GSR: variants seen among roughly 807,000 people sequenced by gnomAD.
The protein encoded by GSR is glutathione reductase, mitochondrial.
A neutral mutation model predicts 56.5 loss-of-function variants in GSR; 48 were observed. The ratio of observed to expected loss-of-function variants is 0.85; its 90% CI spans 0.67 to 1.08. GSR has a LOEUF of 1.08. Among genes scored for constraint, GSR ranks in the 50% least tolerant of loss-of-function variants. The pLI, the probability that GSR is intolerant of heterozygous loss-of-function variation, is 0.00. For missense variants in GSR, 694 were observed against 703.3 expected (o/e 0.99, Z 0.15); for synonymous variants, 264 against 270.8 (o/e 0.97, Z 0.25).
At chr8:30,708,246 C>G (rs1803983185) in intron 3 of GSR, 105 bp from the exon 4 acceptor site, 2 of 817,010 alleles carry the variant, frequency 2.4e-6, no homozygotes, top group Admixed American at 3.4e-5. Flanking sequence ...CACTGACTGT[C>G]AACAGCAACC....
chr8:30,716,457 C>G (rs1804336445), intron 1 of GSR, among the ~76,000 whole-genome samples: 1 of 152,190 alleles, frequency 6.6e-6, no homozygotes, highest in South Asian at 2.1e-4. Flanking sequence ...TTTTAGAGGC[C>G]TATTTACATG....
At chr8:30,701,541 G>A (rs1258380485) in intron 5 of GSR, among the ~76,000 whole-genome samples, 1 of 151,856 alleles carries the variant, frequency 6.6e-6, no homozygotes, top group Non-Finnish European at 1.5e-5. Flanking sequence ...TGTAATCCCA[G>A]CACTTTGGGA....
chr8:30,686,037 G>A (rs151003849), intron 9 of GSR, among the ~76,000 whole-genome samples: 8 of 129,214 alleles, frequency 6.2e-5, no homozygotes, highest in African/African-American at 2.1e-4. Context: ...GGTACAGACA[G>A]ACCAAAATTC....
chr8:30,714,198 T>C (rs556119993), intron 1 of GSR, among the ~76,000 whole-genome samples: 83 of 146,598 alleles, frequency 5.7e-4, no homozygotes, highest in African/African-American at 2.0e-3. Flanking sequence ...TTTTGTTCTA[T>C]ATGCTTTTTT....
chr8:30,708,225 G>C, intron 3 of GSR, 84 bp from the exon 4 acceptor site: 1 of 965,392 alleles, frequency 1.0e-6, no homozygotes, highest in Admixed American at 1.7e-5. Context: ...TGAACACCCC[G>C]AGCAGAGAAT....
chr8:30,694,692 G>A (rs986607010), intron 7 of GSR, among the ~76,000 whole-genome samples: 1 of 152,004 alleles, frequency 6.6e-6, no homozygotes. Context: ...GGGAGGCCGA[G>A]GTGGGCGGAT....
chr8:30,724,513 G>A (rs1411215316), intron 1 of GSR, among the ~76,000 whole-genome samples: 3 of 146,390 alleles, frequency 2.0e-5, no homozygotes, highest in South Asian at 4.3e-4. Context: ...TTGAGGTTCC[G>A]AATGTCAAAG....
At chr8:30,693,132 A>G (rs1803443875) in intron 7 of GSR, 77 bp from the exon 8 acceptor site, 1 of 858,392 alleles carries the variant, frequency 1.2e-6, no homozygotes, top group Non-Finnish European at 2.0e-6. Context: ...TTGGGAGGGA[A>G]ACTTCAGCAT....
At position 30,700,095 on chromosome 8, in the gene GSR, C is replaced by T. The variant is rs1249106722; in HGVS notation, c.681G>A (p.Leu227=). Residue 227 remains leucine, a synonymous_variant, in exon 6 of 13, where the codon CTG becomes CTA. Transcript: ENST00000221130. The part of the protein sequence containing the change: ...LGITSDGFFQ[L]EELPGRSVIV... ...GGTTGGCTTACCCGGGCAATTCTTCCAGCTGAAAAAATCCATCGCTGGTTA... is the reference window on the plus strand; with the variant it reads ...GGTTGGCTTACCCGGGCAATTCTTCTAGCTGAAAAAATCCATCGCTGGTTA... The T allele has an allele frequency of 1.2e-6, 2 of 1,613,340 alleles. No individual in the cohort carries two copies. Among genetic ancestry groups the T allele is most frequent in the South Asian group, 2.2e-5 (2 of 91,072 alleles).
Position 30,727,792 on chromosome 8 carries a change from C to A in GSR, c.44G>T (p.Ser15Ile). Reference protein sequence around the residue: ...PRALSAGAGPSWRRAARAFRG... With the variant: ...PRALSAGAGPIWRRAARAFRG... Reference sequence around the variant, plus strand: ...GAAGGCGCGCGCCGCCCGCCGCCAGCTCGGTCCCGCGCCGGCGCTCAGGGC... The same window carrying A: ...GAAGGCGCGCGCCGCCCGCCGCCAGATCGGTCCCGCGCCGGCGCTCAGGGC... The change falls in exon 1 of 13, where the codon AGC becomes ATC. Residue 15 changes from serine to isoleucine, a missense_variant. Ser to Ile is a moderately radical substitution (Grantham distance 142). Coordinates refer to ENST00000221130, the MANE Select transcript of GSR (RefSeq NM_000637.5). 1 of 1,341,522 alleles carries A rather than the reference C, an allele frequency of 7.5e-7. No homozygotes were observed. Among genetic ancestry groups the A allele is most frequent in the Non-Finnish European group, 9.6e-7 (1 of 1,046,570 alleles). The allele number at this position is 1,341,522 out of a possible 1,614,324, so 83.1% of individuals were successfully genotyped here.
At chr8:30,700,262 TAA>T (rs1803685211) in intron 5 of GSR, 127 bp from the exon 6 acceptor site, 1 of 752,298 alleles carries the variant, frequency 1.3e-6, no homozygotes. Flanking sequence ...CAAGTTTTGT[TAA>T]AGTCTCTGCT....
intron 4 of GSR, among the ~76,000 whole-genome samples, chr8:30,706,537 G>A (rs117827392): frequency 0.012 from 1,859 of 151,370 alleles, 17 homozygotes; most frequent in Admixed American, 0.023. Flanking sequence ...ACAAACAACC[G>A]TAAGAAATCT....
chr8:30,684,239 C>A, intron 9 of GSR, 40 bp from the exon 10 acceptor site: 1 of 1,138,274 alleles, frequency 8.8e-7, no homozygotes, highest in African/African-American at 1.5e-5. Context: ...ACTTGGCCCA[C>A]CTACTAAAAA....
At chr8:30,688,860 C>A (rs1803258419) in intron 9 of GSR, among the ~76,000 whole-genome samples, 1 of 151,838 alleles carries the variant, frequency 6.6e-6, no homozygotes, top group Non-Finnish European at 1.5e-5. Context: ...GAGGTTAAGA[C>A]TGCGGTGAGC....
intron 6 of GSR, 100 bp from the exon 7 acceptor site, chr8:30,696,579 A>G: frequency 1.3e-6 from 1 of 796,100 alleles, no homozygotes; most frequent in Non-Finnish European, 2.3e-6. Flanking sequence ...GATTTCCCTT[A>G]TTATACCCCT....
intron 1 of GSR, 36 bp from the exon 2 acceptor site, chr8:30,712,124 T>C (rs777022910): frequency 3.2e-6 from 4 of 1,236,798 alleles, no homozygotes; most frequent in African/African-American, 3.0e-5. Flanking sequence ...TTTAAGAATA[T>C]TGAATTCAAA....
chr8:30,712,490 G>A (rs1804186231), intron 1 of GSR, among the ~76,000 whole-genome samples: 2 of 152,150 alleles, frequency 1.3e-5, no homozygotes, highest in Non-Finnish European at 1.5e-5. Flanking sequence ...AGACCAGCCT[G>A]GGCAACAAGC....
intron 7 of GSR, among the ~76,000 whole-genome samples, chr8:30,695,477 G>A (rs1376129991): frequency 2.6e-5 from 4 of 151,790 alleles, no homozygotes; most frequent in Admixed American, 6.6e-5. Flanking sequence ...CAAGTGATCC[G>A]CCCGCCTCAG....
chr8:30,681,956 G>C lies in GSR; in HGVS notation c.1259C>G (p.Pro420Arg), dbSNP rs748796034. The change falls in exon 11 of 13, where the codon CCT (proline) becomes CGT (arginine). Residue 420 changes from proline (P) to arginine (R), a missense_variant. By Grantham distance (103) the Pro-to-Arg change is moderately radical. Transcript: ENST00000221130. ...NIPTVVFSHP[P>R]IGTVGLTEDE... ...TTCCGTGAGTCCCACTGTCCCAATA[G>C]GGGGGTGGCTGAAGACCACAGTTGG... 3 of 1,612,170 alleles carry C rather than the reference G, an allele frequency of 1.9e-6. No individual in the cohort carries two copies. Among genetic ancestry groups the C allele is most frequent in the Admixed American group, 1.7e-5 (1 of 60,008 alleles).
Sources: allele counts gnomAD v4.1 joint callset (sites outside exome capture counted in the v4.1 genomes callset), GRCh38; gene constraint gnomAD v4.1.1; transcripts MANE v1.5; gene names NCBI Gene and HGNC (gene_info 2026-07-23, HGNC 2026-07-21).